GDA: variants seen among roughly 807,000 people sequenced by gnomAD.
GDA encodes cytoplasmic PSD-95 interactor.
GDA carries 18 observed loss-of-function variants against 59.6 expected under a neutral mutation model. That is an observed-to-expected ratio of 0.30 (90% CI 0.21 to 0.45). The LOEUF is 0.45. Ranked by LOEUF, GDA falls within the 20% of genes least tolerant of loss-of-function variation. GDA has a pLI of 1.00. For missense variants in GDA, 427 were observed against 552.3 expected (o/e 0.77, Z 2.27); for synonymous variants, 201 against 201.1 (o/e 1.00, Z 0.00).
chr9:72,188,737 TG>T (rs1316896786), intron 1 of GDA, among the ~76,000 whole-genome samples: 3 of 152,018 alleles, frequency 2.0e-5, no homozygotes, highest in Admixed American at 1.3e-4. Flanking sequence ...AGTGGAGCCC[TG>T]GGAGCAGGAC....
chr9:72,131,084 G>A (rs1442253481), intron 1 of GDA, among the ~76,000 whole-genome samples: 1 of 152,200 alleles, frequency 6.6e-6, no homozygotes, highest in Admixed American at 6.5e-5. Flanking sequence ...GATGCCCTAG[G>A]AAAAGGTAGC....
chr9:72,219,602 G>A, intron 6 of GDA, 96 bp downstream of exon 6: 1 of 809,092 alleles, frequency 1.2e-6, no homozygotes, highest in Non-Finnish European at 2.0e-6. Context: ...GTGTACGACT[G>A]GCTTATCTCA....
intron 1 of GDA, among the ~76,000 whole-genome samples, chr9:72,121,670 T>C (rs1825666799): frequency 6.6e-6 from 1 of 152,160 alleles, no homozygotes; most frequent in South Asian, 2.1e-4. Flanking sequence ...AAGCTCCCTC[T>C]TTAACCCAAT....
chr9:72,223,985 A>G (rs1262836939), intron 7 of GDA, among the ~76,000 whole-genome samples: 1 of 152,192 alleles, frequency 6.6e-6, no homozygotes, highest in Non-Finnish European at 1.5e-5. Context: ...CTTAGGAACC[A>G]TTAACCGCTC....
chr9:72,135,973 C>T (rs140522452), intron 1 of GDA, among the ~76,000 whole-genome samples: 153 of 152,100 alleles, frequency 1.0e-3, no homozygotes, highest in African/African-American at 3.5e-3. Context: ...ACAAATGGCA[C>T]CTACATTGAT....
downstream of GDA, among the ~76,000 whole-genome samples, chr9:72,259,241 T>A (rs1587829527): frequency 6.6e-6 from 1 of 152,148 alleles, no homozygotes; most frequent in Non-Finnish European, 1.5e-5. Flanking sequence ...GCCAGGCTGG[T>A]CTTGAATTCC....
chr9:72,178,018 CT>C lies in GDA; in HGVS notation c.124-17480del, dbSNP rs1345759265. 3.9e-5 allele frequency among the ~76,000 whole-genome samples: 6 copies of C among 152,228 alleles called. No individual in the cohort carries two copies. The South Asian group carries it at 6.2e-4, about 16-fold the overall frequency. ...TCATGTTTCTTGACCAATTCACTCT[CT>C]TCATTATCCATTCTTATAAAATGCC... On this transcript the variant is annotated intron_variant, in intron 1 of 13. Transcript: ENST00000358399.
chr9:72,173,335 CTTT>C (rs779786795), intron 1 of GDA, among the ~76,000 whole-genome samples: 8 of 141,352 alleles, frequency 5.7e-5, no homozygotes, highest in Admixed American at 7.2e-5. Context: ...ACTTCCCCTT[CTTT>C]TTTTTTTTTT....
rs143364725 is a variant in GDA at position 72,137,242 on chromosome 9, C to CTTTTTTTTTTTTTT, written c.-100+22417_-100+22430dup. On this transcript the variant is annotated intron_variant, in intron 1 of 13. Transcript: ENST00000545168. ...AAAATTAGGATCCTTTTCTTTTTTT[C>CTTTTTTTTTTTTTT]TTTTTTTTTTTTTTTTTTTTTGAGA... is the stretch of plus-strand genomic sequence containing the variant. 7.1e-3 allele frequency among the ~76,000 whole-genome samples: 600 copies of CTTTTTTTTTTTTTT among 84,450 alleles called. 4 individuals carry two copies. The highest frequency in any genetic ancestry group is 8.4e-3 in the Non-Finnish European group (402 of 47,886). The allele number at this position is 84,450 out of a possible 152,430, so 55.4% of individuals were successfully genotyped here.
rs756321900 is a variant in GDA at position 72,249,954 on chromosome 9, T to C, written c.*1612T>C. ...AAATACTTTTAGATTTGATTATGTATACATGACACCTAAAGAGGGAACAAA... is the reference window on the plus strand; with the variant it reads ...AAATACTTTTAGATTTGATTATGTACACATGACACCTAAAGAGGGAACAAA... On this transcript the variant is annotated 3_prime_UTR_variant, in exon 14 of 14. Coordinates refer to ENST00000358399, the MANE Select transcript of GDA (RefSeq NM_004293.5). 5.3e-6 allele frequency: 5 copies of C among 945,536 alleles called. No homozygotes were observed. The highest frequency in any genetic ancestry group is 6.3e-6 in the Non-Finnish European group (5 of 793,618). 58.6% of individuals were successfully genotyped at this position (945,536 alleles called of 1,614,324 possible).
At chr9:72,138,248 A>G (rs931232227) in intron 1 of GDA, among the ~76,000 whole-genome samples, 8 of 152,142 alleles carry the variant, frequency 5.3e-5, no homozygotes, top group Admixed American at 1.3e-4. Flanking sequence ...TCTGTGCCCA[A>G]GCTGTTTTAT....
chr9:72,219,611 C>A, intron 6 of GDA, 105 bp downstream of exon 6: 1 of 742,200 alleles, frequency 1.3e-6, no homozygotes, highest in East Asian at 2.7e-5. Flanking sequence ...TGGCTTATCT[C>A]ATGCATGTAG....
In GDA at chr9:72,119,263, A is replaced by T. The variant is rs1325395405; in HGVS notation, c.-100+4430A>T. On this transcript the variant is annotated intron_variant, in intron 1 of 13. Coordinates refer to the GDA transcript ENST00000545168. The stretch of plus-strand genomic sequence containing the variant: ...CTCACACCTGCAATCCCAGCACTTC[A>T]GGAGGCCGAGGGGGGCAGATTCCAT... Among the ~76,000 whole-genome samples the T allele has an allele frequency of 7.9e-5, 12 of 152,294 alleles. No homozygotes were observed. The South Asian group carries it at 2.5e-3, about 32-fold the overall frequency.
chr9:72,234,377 C>T (rs1838722058), intron 10 of GDA, among the ~76,000 whole-genome samples: 1 of 152,144 alleles, frequency 6.6e-6, no homozygotes, highest in African/African-American at 2.4e-5. Context: ...ATTCTCCAAA[C>T]TGAACATCTA....
chr9:72,172,243 T>TAA (rs1491021138), intron 1 of GDA, among the ~76,000 whole-genome samples: 1 of 138,854 alleles, frequency 7.2e-6, no homozygotes, highest in African/African-American at 2.7e-5. Flanking sequence ...TATATATATA[T>TAA]AATAGTATAT....
intron 1 of GDA, among the ~76,000 whole-genome samples, chr9:72,189,410 G>A (rs150613664): frequency 4.8e-4 from 73 of 151,502 alleles, no homozygotes; most frequent in African/African-American, 1.6e-3. Context: ...ACTCCTGGGC[G>A]CAATTGATCC....
intron 1 of GDA, among the ~76,000 whole-genome samples, chr9:72,164,612 A>G (rs1829055429): frequency 6.6e-6 from 1 of 152,192 alleles, no homozygotes; most frequent in Admixed American, 6.5e-5. Context: ...AATAAGTTAC[A>G]TACCTGTTAT....
At chr9:72,236,977 A>C (rs937439963) in intron 10 of GDA, among the ~76,000 whole-genome samples, 23 of 152,048 alleles carry the variant, frequency 1.5e-4, no homozygotes, top group Middle Eastern at 3.4e-3. Flanking sequence ...ACAGGGTTTC[A>C]ACATGTTGGT....
At chr9:72,191,826 G>A (rs1832595217) in intron 1 of GDA, among the ~76,000 whole-genome samples, 1 of 152,014 alleles carries the variant, frequency 6.6e-6, no homozygotes, top group Non-Finnish European at 1.5e-5. Context: ...AACCTCAGGT[G>A]ATCCACCCAC....
Sources: gnomAD v4.1 joint callset for allele counts (sites outside exome capture counted in the v4.1 genomes callset) on GRCh38, gnomAD v4.1.1 for gene constraint, MANE v1.5 for transcripts, NCBI Gene and HGNC (gene_info 2026-07-23, HGNC 2026-07-21) for gene names.